Variants in GRHL3 observed in about 807,000 individuals in gnomAD.
The protein encoded by GRHL3 is grainyhead-like protein 3 homolog.
GRHL3 carries 20 observed loss-of-function variants against 70.3 expected under a neutral mutation model. That is an observed-to-expected ratio of 0.28 (90% CI 0.20 to 0.41). The LOEUF is 0.41. Among genes scored for constraint, GRHL3 ranks in the 10% least tolerant of loss-of-function variants. GRHL3 has a pLI of 1.00. For missense variants in GRHL3, 637 were observed against 762.3 expected, an observed-to-expected ratio of 0.84 and a Z score of 1.94; for synonymous variants, 299 against 299.9, an observed-to-expected ratio of 1.00 and a Z score of 0.03.
downstream of GRHL3, among the ~76,000 whole-genome samples, chr1:24,360,045 C>T (rs1427978611): frequency 3.9e-5 from 6 of 152,298 alleles, no homozygotes; most frequent in South Asian, 2.1e-4. Context: ...TGGCACTGCC[C>T]GCCACGAACT....
rs113230338 is a variant in GRHL3, at chr1:24,342,847, T to G, written c.1286-45T>G. 1,445 of 1,614,032 alleles carry G rather than the reference T, an allele frequency of 9.0e-4. 11 individuals are homozygous for G. The African/African-American group carries it at 0.017, about 19-fold the overall frequency. On this transcript the variant is annotated intron_variant, in intron 10 of 15. Transcript: ENST00000361548. This position sits in a 1 kb window ranked among gnomAD's most constrained non-coding sequence, Gnocchi z 4.8. ...AAGGAGACCAGAGGTGGGAGGGACT[T>G]GAGTGGAGGGACCTCGGGGCACATT...
chr1:24,336,956 C>T, intron 4 of GRHL3, 122 bp from the exon 5 acceptor site: 2 of 1,214,112 alleles, frequency 1.6e-6, no homozygotes, highest in African/African-American at 3.0e-5. Context: ...GACGGGATTG[C>T]CATGTACTAT....
rs767057383 is a variant in GRHL3 at position 24,331,621 on chromosome 1, AC to A, written c.204+14del. ...TCTATGATTACTACATGGTACGTCT[AC>A]CCCCTCTGGACATGCCCCGTTTTGA... On this transcript the variant is annotated intron_variant, in intron 2 of 15. Transcript: ENST00000361548. 1.9e-5 allele frequency: 30 copies of A among 1,607,950 alleles called. No individual in the cohort carries two copies. The South Asian group carries it at 2.3e-4, about 12-fold the overall frequency.
rs112832745 is a variant in GRHL3, at chr1:24,347,570, C to T, written c.1629+17C>T. ...AGGAATGCGGTAAGCTGCCTGTGGA[C>T]CCCGCCCCCCATGGCAGACCCCCTC... On this transcript the variant is annotated intron_variant, in intron 14 of 15. Transcript: ENST00000361548. 64 of 1,594,592 alleles carry T rather than the reference C, an allele frequency of 4.0e-5. No individual in the cohort carries two copies. Among genetic ancestry groups the T allele is most frequent in the African/African-American group, 2.7e-4 (20 of 74,632 alleles).
intron 2 of GRHL3, among the ~76,000 whole-genome samples, chr1:24,333,186 C>T (rs1639672928): frequency 6.6e-6 from 1 of 152,170 alleles, no homozygotes; most frequent in African/African-American, 2.4e-5. Flanking sequence ...GATACACCTG[C>T]CCTGGCCTCC....
At chr1:24,358,572 CG>C, downstream of GRHL3, 1 of 1,614,100 alleles carries the variant, frequency 6.2e-7, no homozygotes, top group Non-Finnish European at 8.5e-7. Context: ...TTCTTGTCCT[CG>C]TTGTAGAGGA....
intron 8 of GRHL3, among the ~76,000 whole-genome samples, chr1:24,340,734 G>A (rs747073225): frequency 6.6e-6 from 1 of 152,232 alleles, no homozygotes; most frequent in African/African-American, 2.4e-5. Context: ...GCTGCCTGGA[G>A]AAGATGGAGG....
exon 16 of GRHL3, chr1:24,364,224 C>T (rs141931022): frequency 3.2e-6 from 5 of 1,544,462 alleles, no homozygotes; most frequent in Non-Finnish European, 4.4e-6. Flanking sequence ...CTCGCCACCC[C>T]CCACCTGACT....
chr1:24,327,639 T>C (rs1639443940), intron 1 of GRHL3, among the ~76,000 whole-genome samples: 1 of 152,216 alleles, frequency 6.6e-6, no homozygotes. Flanking sequence ...TAGTTCAGTC[T>C]TGGACAAGGA....
chr1:24,319,714 G>A, intron 1 of GRHL3, 146 bp downstream of exon 1: 1 of 1,579,420 alleles, frequency 6.3e-7, no homozygotes, highest in Non-Finnish European at 8.6e-7. Context: ...TCTTACTTTG[G>A]CGTGTCAAGG....
chr1:24,359,306 G>A (rs1448186733), downstream of GRHL3, among the ~76,000 whole-genome samples: 1 of 152,220 alleles, frequency 6.6e-6, no homozygotes, highest in Non-Finnish European at 1.5e-5. The surrounding 1 kb of genome is among the most constrained non-coding windows in gnomAD (Gnocchi z 5.3). Context: ...CACCACATAC[G>A]GCATGGAAAA....
chr1:24,323,777 C>G (rs556200658), intron 1 of GRHL3, among the ~76,000 whole-genome samples: 1 of 152,326 alleles, frequency 6.6e-6, no homozygotes, highest in East Asian at 1.9e-4. Flanking sequence ...GGCTGCCTCC[C>G]CCTCTCTATT....
Position 24,321,183 on chromosome 1 carries a change from C to A in GRHL3, c.17+1615C>A, listed in dbSNP as rs1358274091. Among the ~76,000 whole-genome samples, 1 of 152,244 alleles carries A rather than the reference C, an allele frequency of 6.6e-6. No individual in the cohort carries two copies. The highest frequency in any genetic ancestry group is 1.5e-5 in the Non-Finnish European group (1 of 68,040). On this transcript the variant is annotated intron_variant, in intron 1 of 15. Transcript: ENST00000361548. The surrounding 1 kb of genome is among the most constrained non-coding windows in gnomAD (Gnocchi z 4.0). ...TACTGCACGTTAGGGGGTATGTGTTCTGAAGCTGGGTTACTTGAACAGAAA... is the reference window on the plus strand; with the variant it reads ...TACTGCACGTTAGGGGGTATGTGTTATGAAGCTGGGTTACTTGAACAGAAA...
intron 15 of GRHL3, among the ~76,000 whole-genome samples, chr1:24,353,019 A>AT (rs1273940221): frequency 6.6e-6 from 1 of 152,190 alleles, no homozygotes; most frequent in Non-Finnish European, 1.5e-5. Flanking sequence ...GAACTCTCCC[A>AT]TAGCCCTGGA....
intron 14 of GRHL3, among the ~76,000 whole-genome samples, chr1:24,347,762 C>G (rs1640349401): frequency 6.6e-6 from 1 of 152,180 alleles, no homozygotes; most frequent in Non-Finnish European, 1.5e-5. Context: ...CTGACTCCAC[C>G]CTGGGAGTCG....
At chr1:24,346,507 G>A in intron 12 of GRHL3, 46 bp from the exon 13 acceptor site, 3 of 1,415,022 alleles carry the variant, frequency 2.1e-6, no homozygotes, top group Non-Finnish European at 3.0e-6. Context: ...TGAGCCTCTA[G>A]GGGTCCCCAA....
At chr1:24,320,898 T>C (rs1033027411) in intron 1 of GRHL3, among the ~76,000 whole-genome samples, 8 of 152,208 alleles carry the variant, frequency 5.3e-5, no homozygotes, top group African/African-American at 1.9e-4. Context: ...CATCTGTAAA[T>C]AGTGGCCAAC....
At chr1:24,332,919 T>C (rs1280604786) in intron 2 of GRHL3, among the ~76,000 whole-genome samples, 1 of 152,200 alleles carries the variant, frequency 6.6e-6, no homozygotes, top group African/African-American at 2.4e-5. Flanking sequence ...ACTGGTGGCA[T>C]CCAGAGAGTG....
At chr1:24,351,971 AT>A (rs1247421005) in intron 15 of GRHL3, among the ~76,000 whole-genome samples, 2 of 152,176 alleles carry the variant, frequency 1.3e-5, no homozygotes, top group Admixed American at 6.5e-5. Flanking sequence ...CTGTACAGGC[AT>A]CCACTCTGTT....
Sources: gnomAD v4.1 joint callset for allele counts (sites outside exome capture counted in the v4.1 genomes callset) on GRCh38, gnomAD v4.1.1 for gene constraint, Gnocchi (gnomAD v3.1) non-coding constraint, MANE v1.5 for transcripts, NCBI Gene and HGNC (gene_info 2026-07-23, HGNC 2026-07-21) for gene names.